The following SCMH1 variants were observed in gnomAD, a reference collection of about 807,000 sequenced individuals.
SCMH1 encodes the protein Scm polycomb group protein homolog 1.
In SCMH1, 37 loss-of-function variants were observed where a neutral mutation model predicts 70.8. The ratio of observed to expected loss-of-function variants is 0.52; its 90% CI spans 0.40 to 0.69. SCMH1 has a LOEUF of 0.69. SCMH1 is among the 30% of genes least tolerant of loss of function. The pLI is 0.00. For synonymous variants in SCMH1, 292 were observed against 307.4 expected (o/e 0.95, Z 0.52); for missense variants, 607 against 827.3 (o/e 0.73, Z 3.27).
chr1:41,154,612 CAAAT>C (rs1645354082), intron 4 of SCMH1, among the ~76,000 whole-genome samples: 1 of 152,130 alleles, frequency 6.6e-6, no homozygotes. Flanking sequence ...AAACATAACA[CAAAT>C]AATCTGTTAT....
chr1:41,071,159 C>T (rs1425236090), intron 9 of SCMH1, among the ~76,000 whole-genome samples: 1 of 152,080 alleles, frequency 6.6e-6, no homozygotes, highest in Non-Finnish European at 1.5e-5. Flanking sequence ...CTCTGTCTGC[C>T]TCTCTCTTCA....
At chr1:41,156,838 T>C (rs1179327295) in intron 4 of SCMH1, among the ~76,000 whole-genome samples, 2 of 151,940 alleles carry the variant, frequency 1.3e-5, no homozygotes, top group Non-Finnish European at 1.5e-5. Flanking sequence ...AACATACTGA[T>C]TTTTCTTCTT....
intron 6 of SCMH1, among the ~76,000 whole-genome samples, chr1:41,132,170 TAAA>T (rs200865272): frequency 0.012 from 1,765 of 152,320 alleles, 16 homozygotes; most frequent in Non-Finnish European, 0.017. Flanking sequence ...ACCAACAGTG[TAAA>T]AGTGTTCCTA....
chr1:41,233,354 C>G (rs1661680461), intron 1 of SCMH1, among the ~76,000 whole-genome samples: 1 of 152,146 alleles, frequency 6.6e-6, no homozygotes, highest in Non-Finnish European at 1.5e-5. Flanking sequence ...ATCCACTAAA[C>G]TAGCAAGCTA....
chr1:41,170,308 C>A (rs1278896058), intron 2 of SCMH1, among the ~76,000 whole-genome samples: 1 of 152,150 alleles, frequency 6.6e-6, no homozygotes, highest in African/African-American at 2.4e-5. Flanking sequence ...AAGTTGGATG[C>A]TGGGGCTTCC....
chr1:41,224,745 G>A (rs11209720), intron 1 of SCMH1, among the ~76,000 whole-genome samples: 35,755 of 152,036 alleles, frequency 0.24, 5,028 homozygotes, highest in Non-Finnish European at 0.31. Flanking sequence ...TCTGTTGTAG[G>A]GTTTACCCGC....
chr1:41,190,117 A>G (rs903650392), intron 1 of SCMH1, among the ~76,000 whole-genome samples: 5 of 152,222 alleles, frequency 3.3e-5, no homozygotes, highest in Non-Finnish European at 5.9e-5. Flanking sequence ...CAGTCCAAAC[A>G]TATCAGAAGT....
intron 1 of SCMH1, among the ~76,000 whole-genome samples, chr1:41,229,559 G>A (rs959319145): frequency 3.9e-5 from 6 of 152,120 alleles, no homozygotes; most frequent in Admixed American, 3.3e-4. Context: ...TTGGACACAG[G>A]GAGGGGAACA....
intron 1 of SCMH1, among the ~76,000 whole-genome samples, chr1:41,220,978 T>A (rs1659130266): frequency 6.8e-6 from 1 of 147,200 alleles, no homozygotes; most frequent in Non-Finnish European, 1.5e-5. Context: ...TTTAGTCTCA[T>A]CTTTTTTAAT....
intron 9 of SCMH1, among the ~76,000 whole-genome samples, chr1:41,074,202 C>T (rs1229163403): frequency 4.0e-5 from 6 of 150,940 alleles, no homozygotes; most frequent in Non-Finnish European, 8.8e-5. Flanking sequence ...TTTTCCAATA[C>T]TAGAATACTA....
chr1:41,063,813 T>C (rs1653655809), intron 10 of SCMH1, among the ~76,000 whole-genome samples: 1 of 152,146 alleles, frequency 6.6e-6, no homozygotes, highest in African/African-American at 2.4e-5. Flanking sequence ...TATTAAAAAA[T>C]TGAATTAATT....
chr1:41,047,339 T>C (rs1486302690), intron 11 of SCMH1, among the ~76,000 whole-genome samples: 1 of 150,008 alleles, frequency 6.7e-6, no homozygotes, highest in Non-Finnish European at 1.5e-5. Flanking sequence ...GACCAGGGAG[T>C]AGGCTGGGCC....
At chr1:41,183,195 C>T (rs1484871338) in intron 2 of SCMH1, among the ~76,000 whole-genome samples, 1 of 152,150 alleles carries the variant, frequency 6.6e-6, no homozygotes, top group Non-Finnish European at 1.5e-5. Context: ...CTTTAATCTC[C>T]CCTGCCCCAT....
chr1:41,082,734 T>C (rs1010512363), intron 8 of SCMH1, among the ~76,000 whole-genome samples: 11 of 152,120 alleles, frequency 7.2e-5, no homozygotes, highest in Non-Finnish European at 1.3e-4. Flanking sequence ...AATAAAATAC[T>C]GGCAAACCGA....
At chr1:41,176,505 A>C (rs1163210949) in intron 2 of SCMH1, among the ~76,000 whole-genome samples, 1 of 152,182 alleles carries the variant, frequency 6.6e-6, no homozygotes, top group Non-Finnish European at 1.5e-5. Flanking sequence ...TCCTAGTCAA[A>C]GAAAGGGGTG....
At chr1:41,169,958 G>T (rs1341488461) in intron 2 of SCMH1, among the ~76,000 whole-genome samples, 1 of 152,190 alleles carries the variant, frequency 6.6e-6, no homozygotes, top group Admixed American at 6.5e-5. Flanking sequence ...TCCCAGGCTG[G>T]TGGCAGGTTA....
At chr1:41,211,170 C>T (rs769986755) in intron 1 of SCMH1, among the ~76,000 whole-genome samples, 21 of 151,936 alleles carry the variant, frequency 1.4e-4, no homozygotes, top group Non-Finnish European at 2.9e-4. Context: ...ACAAATGGGA[C>T]CTAATTAAAC....
chr1:41,088,553 G>A (rs1021067378), intron 8 of SCMH1, among the ~76,000 whole-genome samples: 2 of 151,954 alleles, frequency 1.3e-5, no homozygotes, highest in African/African-American at 4.8e-5. Flanking sequence ...TTGCAGCCTC[G>A]GACTCCTAGG....
intron 10 of SCMH1, among the ~76,000 whole-genome samples, chr1:41,065,008 A>G (rs1654085667): frequency 6.6e-6 from 1 of 152,222 alleles, no homozygotes; most frequent in Non-Finnish European, 1.5e-5. Context: ...TATATATAAC[A>G]TTTATATGAG....
Sources: allele counts gnomAD v4.1 joint callset (sites outside exome capture counted in the v4.1 genomes callset), GRCh38; gene constraint gnomAD v4.1.1; transcripts MANE v1.5; gene names NCBI Gene and HGNC (gene_info 2026-07-23, HGNC 2026-07-21).